GK: variants seen among roughly 807,000 people sequenced by gnomAD.
GK encodes the protein glycerol kinase.
GK carries 9 observed loss-of-function variants against 56.4 expected under a neutral mutation model. That is an observed-to-expected ratio of 0.16 (90% CI 0.10 to 0.28). GK has a LOEUF of 0.28. Ranked by LOEUF, GK falls within the 10% of genes least tolerant of loss-of-function variation. The pLI is 1.00. For synonymous variants in GK, 104 were observed against 144.1 expected (o/e 0.72, Z 1.99); for missense variants, 161 against 431.4 (o/e 0.37, Z 5.55).
chrX:30,707,509 T>A, intron 11 of GK, 47 bp from the exon 12 acceptor site: 2 of 737,819 alleles, frequency 2.7e-6, no homozygotes, highest in Non-Finnish European at 4.3e-6. Flanking sequence ...TTTCATTATT[T>A]GCTTTCAATA....
At chrX:30,716,805 T>G (rs925433765) in intron 13 of GK, among the ~76,000 whole-genome samples, 6 of 112,018 alleles carry the variant, frequency 5.4e-5, no homozygotes, top group African/African-American at 1.6e-4. Context: ...GGGAATGAGC[T>G]GTGTTAGAGT....
At chrX:30,695,647 TAAC>T (rs1256908837) in intron 6 of GK, among the ~76,000 whole-genome samples, 1 of 112,801 alleles carries the variant, frequency 8.9e-6, no homozygotes, top group Non-Finnish European at 1.9e-5. Context: ...ACCAAAGAGA[TAAC>T]AACAACACAC....
At chrX:30,714,736 A>G (rs924379798) in intron 13 of GK, among the ~76,000 whole-genome samples, 1 of 112,286 alleles carries the variant, frequency 8.9e-6, no homozygotes, top group African/African-American at 3.2e-5. Context: ...GGGTATGCAC[A>G]TCAGGAGGCA....
chrX:30,701,985 CTA>C (rs771935618), intron 11 of GK, among the ~76,000 whole-genome samples: 2 of 111,555 alleles, frequency 1.8e-5, no homozygotes, highest in East Asian at 5.6e-4. Flanking sequence ...CCACCAATCA[CTA>C]TATTTATTTG....
intron 4 of GK, among the ~76,000 whole-genome samples, chrX:30,682,149 A>T (rs1039710545): frequency 3.6e-5 from 4 of 111,808 alleles, no homozygotes; most frequent in African/African-American, 1.3e-4. Context: ...CCTGAGAGAA[A>T]AAATGGCCTT....
At chrX:30,697,875 C>A (rs964661421) in intron 9 of GK, 126 bp downstream of exon 9, 34 of 556,656 alleles carry the variant, frequency 6.1e-5, no homozygotes, top group Non-Finnish European at 1.0e-4. Context: ...CGTGACCTTC[C>A]AAATTATTAT....
chrX:30,683,352 G>A (rs1315937439), intron 4 of GK, among the ~76,000 whole-genome samples: 1 of 110,916 alleles, frequency 9.0e-6, no homozygotes, highest in African/African-American at 3.3e-5. Context: ...CACCATACCC[G>A]GCCAGATGAG....
intron 11 of GK, 93 bp from the exon 12 acceptor site, chrX:30,707,463 A>G: frequency 1.7e-6 from 1 of 592,811 alleles, no homozygotes; most frequent in Non-Finnish European, 2.9e-6. Context: ...TTTGGACTAA[A>G]TTATATGTCA....
intron 5 of GK, among the ~76,000 whole-genome samples, chrX:30,691,468 C>CT (rs144523573): frequency 0.017 from 1,249 of 72,572 alleles, 11 homozygotes; most frequent in Non-Finnish European, 0.022. Context: ...CCAAGGGGTG[C>CT]TTTTTTTTTT....
chrX:30,659,272 A>G (rs747651172), intron 1 of GK, among the ~76,000 whole-genome samples: 4 of 112,204 alleles, frequency 3.6e-5, no homozygotes, highest in African/African-American at 1.3e-4. Flanking sequence ...ACCTCAGGTG[A>G]TCTACCCGCC....
At chrX:30,691,064 G>A in intron 4 of GK, 59 bp from the exon 5 acceptor site, 1 of 648,699 alleles carries the variant, frequency 1.5e-6, no homozygotes, top group Non-Finnish European at 2.5e-6. Context: ...AGTGATTTCA[G>A]TAAGTTCTTA....
chrX:30,713,595 T>C (rs1446652251), intron 13 of GK, among the ~76,000 whole-genome samples: 1 of 111,967 alleles, frequency 8.9e-6, no homozygotes, highest in East Asian at 2.8e-4. Flanking sequence ...TTAATACCTC[T>C]AAATTCTCAT....
chrX:30,661,064 G>A (rs960581511), intron 1 of GK, among the ~76,000 whole-genome samples: 10 of 110,047 alleles, frequency 9.1e-5, no homozygotes, highest in Admixed American at 8.8e-4. Flanking sequence ...CGCCCACCTC[G>A]GCCTCCCAAA....
chrX:30,677,272 G>T lies in GK; in HGVS notation c.260-103G>T. On this transcript the variant is annotated intron_variant, in intron 3 of 20. Transcript: ENST00000427190. ...AATGTTTCAAGTATTTTTTTGATTT[G>T]CTATGTTTAGTTGTGTCTCTAGTAA... 1.1e-5 allele frequency: 6 copies of T among 547,626 alleles called. No individual in the cohort carries two copies. In the Admixed American group the frequency reaches 1.2e-4, roughly 11 times the overall value. 45.1% of individuals were successfully genotyped at this position (547,626 alleles called of 1,213,427 possible).
chrX:30,667,926 C>T, intron 2 of GK, 86 bp from the exon 3 acceptor site: 1 of 569,110 alleles, frequency 1.8e-6, no homozygotes, highest in Non-Finnish European at 3.1e-6. Flanking sequence ...ATGCACCAGC[C>T]ACACCCTCAT....
chrX:30,714,937 T>A (rs959121606), intron 13 of GK, among the ~76,000 whole-genome samples: 2 of 112,439 alleles, frequency 1.8e-5, no homozygotes, highest in African/African-American at 6.5e-5. Context: ...GTTGCTCCAA[T>A]TCAACTCTTC....
chrX:30,726,424 A>G (rs1052298520), intron 19 of GK, among the ~76,000 whole-genome samples: 7 of 108,928 alleles, frequency 6.4e-5, no homozygotes, highest in Non-Finnish European at 1.1e-4. Flanking sequence ...AGTAGCTGGG[A>G]TTACAGGCAT....
At chrX:30,662,711 TTC>T (rs1313047926) in intron 1 of GK, among the ~76,000 whole-genome samples, 1 of 97,139 alleles carries the variant, frequency 1.0e-5, no homozygotes, top group South Asian at 4.5e-4. Context: ...CTTTCTCTTT[TTC>T]TTTCTTTCTT....
intron 12 of GK, 95 bp downstream of exon 12, chrX:30,707,693 G>A (rs1936089931): frequency 5.7e-6 from 3 of 524,680 alleles, no homozygotes; most frequent in African/African-American, 4.7e-5. Context: ...TTAGTCTTTA[G>A]CTTTTACTTA....
Sources: allele counts gnomAD v4.1 joint callset (sites outside exome capture counted in the v4.1 genomes callset), GRCh38; gene constraint gnomAD v4.1.1; transcripts MANE v1.5; gene names NCBI Gene and HGNC (gene_info 2026-07-23, HGNC 2026-07-21).